Variants in KIF16B observed in about 807,000 individuals in gnomAD.
KIF16B encodes kinesin-like protein KIF16B.
KIF16B carries 98 observed loss-of-function variants against 156.3 expected under a neutral mutation model. That is an observed-to-expected ratio of 0.63 (90% CI 0.53 to 0.74). The LOEUF is 0.74. Ranked by LOEUF, KIF16B falls within the 30% of genes least tolerant of loss-of-function variation. KIF16B has a pLI of 0.00. For missense variants in KIF16B, 1,421 were observed against 1,606.5 expected (o/e 0.88, Z 1.97); for synonymous variants, 564 against 583.7 (o/e 0.97, Z 0.49).
At chr20:16,405,178 C>T (rs1439307543) in intron 16 of KIF16B, among the ~76,000 whole-genome samples, 3 of 152,098 alleles carry the variant, frequency 2.0e-5, no homozygotes, top group Non-Finnish European at 4.4e-5. Context: ...TCTCCCCTGC[C>T]GGTTAAAGTC....
At position 16,404,850 on chromosome 20, in the gene KIF16B, G is replaced by A. The variant is rs987942715; in HGVS notation, c.1747C>T (p.Arg583Cys). The A allele has an allele frequency of 5.6e-6, 9 of 1,613,496 alleles. No homozygotes were observed. The highest frequency in any genetic ancestry group is 7.6e-6 in the Non-Finnish European group (9 of 1,179,672). Residue 583 changes from arginine to cysteine, a missense_variant, in exon 17 of 26, where the codon CGT (arginine) becomes TGT (cysteine). By Grantham distance (180) the Arg-to-Cys change is radical. Coordinates refer to ENST00000354981, the MANE Select transcript of KIF16B (RefSeq NM_024704.5). ...AACATGACTGCAGACAGGTTCTCAC[G>A]GGACTTCGAGAGGTCGGTCATGGAC... Reference protein sequence around the residue: ...SLSMTDLSKSRENLSAVMLYN... With the variant: ...SLSMTDLSKSCENLSAVMLYN...
chr20:16,355,183 T>A (rs2064414913), intron 23 of KIF16B, among the ~76,000 whole-genome samples: 1 of 152,088 alleles, frequency 6.6e-6, no homozygotes, highest in Non-Finnish European at 1.5e-5. Flanking sequence ...AGGGCTGCCC[T>A]GAGATGCATC....
At chr20:16,453,385 T>C (rs896942727) in intron 12 of KIF16B, among the ~76,000 whole-genome samples, 1 of 152,124 alleles carries the variant, frequency 6.6e-6, no homozygotes, top group Non-Finnish European at 1.5e-5. Flanking sequence ...AATAAAATAC[T>C]ATAAATTTCA....
chr20:16,435,419 T>A, intron 12 of KIF16B, among the ~76,000 whole-genome samples: 1 of 152,312 alleles, frequency 6.6e-6, no homozygotes, highest in East Asian at 1.9e-4. Context: ...CAGCAGATAA[T>A]TTGGTTTTAT....
intron 22 of KIF16B, chr20:16,368,825 C>T (rs2064745053): frequency 3.0e-6 from 3 of 985,736 alleles, no homozygotes; most frequent in Non-Finnish European, 2.4e-6. Flanking sequence ...TTTATAGACA[C>T]TTCTTGGGAC....
chr20:16,426,965 G>A (rs1044765771), intron 15 of KIF16B, 139 bp downstream of exon 15: 2 of 618,820 alleles, frequency 3.2e-6, no homozygotes, highest in African/African-American at 3.7e-5. Context: ...AAGAGAAACA[G>A]CCTATTGAAG....
chr20:16,505,670 G>A (rs2147009255), intron 9 of KIF16B, 52 bp downstream of exon 9: 1 of 1,518,518 alleles, frequency 6.6e-7, no homozygotes, highest in Non-Finnish European at 9.1e-7. Flanking sequence ...AATATTTACA[G>A]TTAATTCACA....
intron 10 of KIF16B, among the ~76,000 whole-genome samples, chr20:16,500,611 C>G (rs2068593593): frequency 6.6e-6 from 1 of 152,050 alleles, no homozygotes; most frequent in African/African-American, 2.4e-5. Flanking sequence ...GATATCATGT[C>G]TGATTTTAAT....
At chr20:16,344,352 TC>T (rs1244825947) in intron 23 of KIF16B, among the ~76,000 whole-genome samples, 2 of 152,224 alleles carry the variant, frequency 1.3e-5, no homozygotes, top group Non-Finnish European at 2.9e-5. Flanking sequence ...GTGATCTGCC[TC>T]TGCCATCCCC....
intron 4 of KIF16B, among the ~76,000 whole-genome samples, chr20:16,514,591 A>C (rs867049037): frequency 2.7e-5 from 4 of 149,368 alleles, no homozygotes; most frequent in Admixed American, 6.6e-5. Flanking sequence ...AGAAAAAAAA[A>C]AAAAAAAAAA....
chr20:16,300,292 A>G (rs1321537899), intron 25 of KIF16B, among the ~76,000 whole-genome samples: 1 of 152,234 alleles, frequency 6.6e-6, no homozygotes, highest in African/African-American at 2.4e-5. Flanking sequence ...ATTTTAGAGT[A>G]ATGAGTGAGC....
intron 22 of KIF16B, among the ~76,000 whole-genome samples, chr20:16,365,737 T>C (rs1012024847): frequency 2.2e-4 from 34 of 152,200 alleles, no homozygotes; most frequent in African/African-American, 7.5e-4. Context: ...ATCTCCGTCA[T>C]TGGTTAGGAA....
At chr20:16,548,528 C>T (rs779688321) in intron 1 of KIF16B, among the ~76,000 whole-genome samples, 3 of 152,242 alleles carry the variant, frequency 2.0e-5, no homozygotes, top group Non-Finnish European at 4.4e-5. Context: ...ATTACATTCT[C>T]ATAGGAGAGC....
At chr20:16,548,823 T>C (rs7270025) in intron 1 of KIF16B, among the ~76,000 whole-genome samples, 1 of 152,140 alleles carries the variant, frequency 6.6e-6, no homozygotes. Context: ...AGGACCAGCT[T>C]GTTTATGCAG....
chr20:16,467,229 A>T (rs2067516199), intron 12 of KIF16B, among the ~76,000 whole-genome samples: 1 of 152,170 alleles, frequency 6.6e-6, no homozygotes, highest in Non-Finnish European at 1.5e-5. Flanking sequence ...AAGCACTGTG[A>T]AGTTCAACAG....
intron 24 of KIF16B, among the ~76,000 whole-genome samples, chr20:16,329,223 GT>G (rs959003586): frequency 3.3e-5 from 5 of 152,040 alleles, no homozygotes; most frequent in African/African-American, 9.7e-5. Context: ...GGTTTTAAAA[GT>G]TTTTTTCTCT....
At chr20:16,342,478 G>A (rs769648948) in intron 23 of KIF16B, among the ~76,000 whole-genome samples, 3 of 152,174 alleles carry the variant, frequency 2.0e-5, no homozygotes, top group Admixed American at 6.5e-5. Flanking sequence ...TGGTAAAACA[G>A]AAAGCATGGC....
chr20:16,549,656 T>C, intron 1 of KIF16B, among the ~76,000 whole-genome samples: 1 of 150,536 alleles, frequency 6.6e-6, no homozygotes, highest in Admixed American at 6.6e-5. Context: ...GAGATATAGA[T>C]CAATGGAACA....
chr20:16,319,721 G>A (rs1156278859), intron 24 of KIF16B, among the ~76,000 whole-genome samples: 5 of 152,198 alleles, frequency 3.3e-5, no homozygotes, highest in Admixed American at 2.0e-4. Flanking sequence ...AGGTCTCCAC[G>A]CTTTTGAGCG....
Sources: allele counts gnomAD v4.1 joint callset (sites outside exome capture counted in the v4.1 genomes callset), GRCh38; gene constraint gnomAD v4.1.1; transcripts MANE v1.5; gene names NCBI Gene and HGNC (gene_info 2026-07-23, HGNC 2026-07-21).